CSMD3: variants seen among roughly 807,000 people sequenced by gnomAD.
The protein encoded by CSMD3 is CUB and sushi domain-containing protein 3.
Under a neutral mutation model 435.2 loss-of-function variants are expected in CSMD3, and 177 were observed. That is an observed-to-expected ratio of 0.41 (90% confidence interval 0.36 to 0.46). The LOEUF (loss-of-function observed/expected upper bound fraction) is 0.46. CSMD3 is among the 20% of genes least tolerant of loss of function. The pLI is 0.34. For missense variants in CSMD3, 4,265 were observed against 4,504.6 expected (o/e 0.95, Z 1.52); for synonymous variants, 1,656 against 1,520.5 (o/e 1.09, Z -2.07).
At chr8:112,781,777 ACT>A (rs2078393823) in intron 13 of CSMD3, among the ~76,000 whole-genome samples, 1 of 152,094 alleles carries the variant, frequency 6.6e-6, no homozygotes. Flanking sequence ...AGAACAAGTG[ACT>A]CTGCCTGGTA....
intron 28 of CSMD3, 110 bp from the exon 29 acceptor site, chr8:112,506,939 C>A: frequency 1.1e-6 from 1 of 944,736 alleles, no homozygotes; most frequent in Non-Finnish European, 1.6e-6. Context: ...TTTGTACAGA[C>A]CTGAATTTTA....
At chr8:113,129,312 A>G (rs1235346533) in intron 4 of CSMD3, among the ~76,000 whole-genome samples, 1 of 152,148 alleles carries the variant, frequency 6.6e-6, no homozygotes, top group African/African-American at 2.4e-5. Flanking sequence ...GGTGGGATTC[A>G]GGGAGTATAA....
At chr8:113,330,519 A>G (rs2094019331) in intron 1 of CSMD3, among the ~76,000 whole-genome samples, 1 of 151,996 alleles carries the variant, frequency 6.6e-6, no homozygotes, top group Non-Finnish European at 1.5e-5. Flanking sequence ...AGGTATTGCT[A>G]GATGGATGAA....
chr8:112,582,470 C>T (rs974526482), intron 23 of CSMD3, among the ~76,000 whole-genome samples: 1 of 151,578 alleles, frequency 6.6e-6, no homozygotes, highest in Non-Finnish European at 1.5e-5. Flanking sequence ...TGCAGGGAGG[C>T]CATTATGCCT....
chr8:112,790,646 G>A, intron 13 of CSMD3, among the ~76,000 whole-genome samples: 1 of 151,814 alleles, frequency 6.6e-6, no homozygotes, highest in East Asian at 1.9e-4. Flanking sequence ...ATTCTTGTTT[G>A]TAACCGATAT....
At chr8:112,721,142 A>T (rs2076848895) in intron 13 of CSMD3, among the ~76,000 whole-genome samples, 1 of 152,062 alleles carries the variant, frequency 6.6e-6, no homozygotes, top group South Asian at 2.1e-4. Flanking sequence ...TCTCACAAGT[A>T]TCAATTACAG....
chr8:112,967,507 T>G (rs1233822688), intron 7 of CSMD3, among the ~76,000 whole-genome samples: 5 of 151,794 alleles, frequency 3.3e-5, no homozygotes, highest in African/African-American at 1.2e-4. Flanking sequence ...TTTTTCCTGG[T>G]GTGCTTTCTC....
chr8:113,436,584 G>A, intron 1 of CSMD3, 93 bp downstream of exon 1: 1 of 1,090,674 alleles, frequency 9.2e-7, no homozygotes, highest in Non-Finnish European at 1.4e-6. Context: ...TTATTTTATC[G>A]GTGCAAATTG....
In CSMD3 at chr8:112,545,425, G is replaced by A. The variant is rs1311001482; in HGVS notation, c.4564+5246C>T. Among the ~76,000 whole-genome samples, 4 of 134,998 alleles carry A rather than the reference G, an allele frequency of 3.0e-5. No individual in the cohort carries two copies. In the East Asian group the frequency reaches 9.3e-4, roughly 31 times the overall value. 88.6% of individuals were successfully genotyped at this position (134,998 alleles called of 152,430 possible). A position where few individuals can be genotyped will look rare whatever the true frequency, so the allele number is the denominator to read the frequency against. On this transcript the variant is annotated intron_variant, in intron 27 of 70. Transcript: ENST00000297405. Reference sequence around the variant, plus strand: ...TTGAGCCCGGGAGGTGTAGGTTGCAGTGACCCAAGATCGTGCCACTGCACT... The same window carrying A: ...TTGAGCCCGGGAGGTGTAGGTTGCAATGACCCAAGATCGTGCCACTGCACT...
chr8:112,407,265 A>T (rs1831941740), intron 34 of CSMD3, among the ~76,000 whole-genome samples: 2 of 152,028 alleles, frequency 1.3e-5, no homozygotes, highest in African/African-American at 2.4e-5. Context: ...ACTAGGTAGA[A>T]TATATGTCAG....
At chr8:112,455,703 T>C (rs1816767465) in intron 32 of CSMD3, among the ~76,000 whole-genome samples, 1 of 151,958 alleles carries the variant, frequency 6.6e-6, no homozygotes, top group Non-Finnish European at 1.5e-5. Context: ...TTTTTCAACG[T>C]GCTCATTTTA....
chr8:113,182,746 T>C (rs991100404), intron 3 of CSMD3, among the ~76,000 whole-genome samples: 1 of 152,002 alleles, frequency 6.6e-6, no homozygotes, highest in African/African-American at 2.4e-5. Context: ...CCTTTGTCTA[T>C]AAGGAGAAGC....
chr8:112,903,071 G>A (rs571275283), intron 10 of CSMD3, among the ~76,000 whole-genome samples: 37 of 127,938 alleles, frequency 2.9e-4, no homozygotes, highest in Middle Eastern at 6.7e-3. Context: ...GTCTTTGACC[G>A]TTTCTGAGCA....
chr8:113,167,695 G>C (rs567415240), intron 4 of CSMD3, among the ~76,000 whole-genome samples: 23 of 152,294 alleles, frequency 1.5e-4, no homozygotes, highest in African/African-American at 5.5e-4. Context: ...TTTCCTTGTG[G>C]ATTGACATCA....
intron 27 of CSMD3, among the ~76,000 whole-genome samples, chr8:112,526,278 A>C (rs1303481923): frequency 6.6e-6 from 1 of 152,024 alleles, no homozygotes; most frequent in Non-Finnish European, 1.5e-5. Context: ...TTTATTTGCA[A>C]AATAGTACTT....
chr8:112,927,884 T>C (rs1158389728), intron 9 of CSMD3, among the ~76,000 whole-genome samples: 1 of 152,146 alleles, frequency 6.6e-6, no homozygotes, highest in African/African-American at 2.4e-5. Flanking sequence ...GTCTGGATAT[T>C]GTTACTGGGT....
intron 3 of CSMD3, among the ~76,000 whole-genome samples, chr8:113,186,119 T>C (rs1184309280): frequency 1.3e-5 from 2 of 152,034 alleles, no homozygotes; most frequent in Non-Finnish European, 2.9e-5. Context: ...TATTTGCTTG[T>C]CAATTCCAGT....
At chr8:113,371,670 G>A (rs946445778) in intron 1 of CSMD3, among the ~76,000 whole-genome samples, 3 of 152,118 alleles carry the variant, frequency 2.0e-5, no homozygotes, top group Admixed American at 6.5e-5. Flanking sequence ...TGCAGGCAAC[G>A]AATCACAGAT....
At chr8:113,346,670 C>T (rs1478642764) in intron 1 of CSMD3, among the ~76,000 whole-genome samples, 1 of 151,916 alleles carries the variant, frequency 6.6e-6, no homozygotes, top group African/African-American at 2.4e-5. Context: ...CACTCTATTT[C>T]CTATCTCCAG....
Sources: allele counts gnomAD v4.1 joint callset (sites outside exome capture counted in the v4.1 genomes callset), GRCh38; gene constraint gnomAD v4.1.1; transcripts MANE v1.5; gene names NCBI Gene and HGNC (gene_info 2026-07-23, HGNC 2026-07-21).